MARCHF5: variants seen among roughly 807,000 people sequenced by gnomAD.
MARCHF5 encodes E3 ubiquitin-protein ligase MARCHF5.
In MARCHF5, 5 loss-of-function variants were observed where a neutral mutation model predicts 36.5. The observed-to-expected ratio is 0.14, with a 90% confidence interval of 0.07 to 0.29. MARCHF5 has a LOEUF of 0.29. MARCHF5 is among the 10% of genes least tolerant of loss of function. The probability of loss-of-function intolerance (pLI) is 1.00; values close to 1 mark genes in which losing one functional copy is unlikely to be tolerated. For synonymous variants in MARCHF5, 103 were observed against 109.9 expected (o/e 0.94, Z 0.39); for missense variants, 179 against 336.3 (o/e 0.53, Z 3.66).
chr10:92,331,252 CTCT>C (rs1843432697), intron 2 of MARCHF5, among the ~76,000 whole-genome samples: 1 of 152,024 alleles, frequency 6.6e-6, no homozygotes, highest in Admixed American at 6.6e-5. Flanking sequence ...AGTTAGAAGG[CTCT>C]TCTTAGCATG....
intron 2 of MARCHF5, among the ~76,000 whole-genome samples, chr10:92,318,237 G>A (rs1002357994): frequency 2.0e-5 from 3 of 151,724 alleles, no homozygotes; most frequent in Non-Finnish European, 2.9e-5. Context: ...AACCAGCCTC[G>A]GCAACATAGC....
chr10:92,327,782 G>A (rs1444331368), intron 2 of MARCHF5, among the ~76,000 whole-genome samples: 1 of 151,952 alleles, frequency 6.6e-6, no homozygotes, highest in African/African-American at 2.4e-5. Flanking sequence ...TATTTCATTT[G>A]TGGAAAAGGA....
chr10:92,306,558 A>G (rs1282824364), intron 1 of MARCHF5, among the ~76,000 whole-genome samples: 1 of 152,228 alleles, frequency 6.6e-6, no homozygotes, highest in African/African-American at 2.4e-5. Flanking sequence ...GAAATTATAA[A>G]TGAATCATTT....
At chr10:92,314,121 AG>A (rs1843178824) in intron 2 of MARCHF5, among the ~76,000 whole-genome samples, 1 of 152,150 alleles carries the variant, frequency 6.6e-6, no homozygotes, top group Non-Finnish European at 1.5e-5. Context: ...CTCAGCTGGG[AG>A]GATCACTTGA....
At chr10:92,321,079 G>A (rs991739560) in intron 2 of MARCHF5, among the ~76,000 whole-genome samples, 1 of 152,068 alleles carries the variant, frequency 6.6e-6, no homozygotes, top group Non-Finnish European at 1.5e-5. Context: ...ATGCTGTGCA[G>A]GTTTGTAGGC....
chr10:92,303,597 T>G (rs1843041448), intron 1 of MARCHF5, among the ~76,000 whole-genome samples: 1 of 152,192 alleles, frequency 6.6e-6, no homozygotes, highest in Admixed American at 6.5e-5. Context: ...TAGTTCCTTG[T>G]GGCATCAAAT....
chr10:92,322,732 CT>C lies in MARCHF5; in HGVS notation c.238+11405del, dbSNP rs928366232. Among the ~76,000 whole-genome samples, 77 of 146,078 alleles carry C rather than the reference CT, an allele frequency of 5.3e-4. 1 individual carries two copies. The highest frequency in any genetic ancestry group is 1.8e-3 in the African/African-American group (72 of 39,722). Reference sequence around the variant, plus strand: ...CCAAAGTGCACCATCACATCTAGCCCTTTTTTTTTTCTTTCTTTGTTTTTGA... The same window carrying C: ...CCAAAGTGCACCATCACATCTAGCCCTTTTTTTTTCTTTCTTTGTTTTTGA... On this transcript the variant is annotated intron_variant, in intron 2 of 5. Transcript: ENST00000358935.
At position 92,350,958 on chromosome 10, in the gene MARCHF5, CTG is replaced by C. The variant is rs548921088; in HGVS notation, c.721-131_721-130del. The stretch of plus-strand genomic sequence containing the variant: ...CTCATCTCCTAGTAGAAAAAGAAAA[CTG>C]TTTCATTTGCAGTCATCTGAATTAG... On this transcript the variant is annotated intron_variant, in intron 5 of 5. Coordinates refer to ENST00000358935, the MANE Select transcript of MARCHF5 (RefSeq NM_017824.5). The C allele has an allele frequency of 6.0e-4, 365 of 611,912 alleles. 1 individual carries two copies. The African/African-American group carries it at 6.3e-3, about 11-fold the overall frequency. The allele number at this position is 611,912 out of a possible 1,614,324, so 37.9% of individuals were successfully genotyped here.
intron 2 of MARCHF5, chr10:92,333,480 A>G (rs1843464433): frequency 5.9e-6 from 1 of 170,926 alleles, no homozygotes; most frequent in South Asian, 1.9e-4. Context: ...GCACTGTACA[A>G]AACGAGTTAA....
At chr10:92,293,675 G>C (rs1001634774) in intron 1 of MARCHF5, among the ~76,000 whole-genome samples, 1 of 151,604 alleles carries the variant, frequency 6.6e-6, no homozygotes, top group Non-Finnish European at 1.5e-5. Context: ...TCCAACTCTC[G>C]GGAGGCTGAG....
intron 2 of MARCHF5, among the ~76,000 whole-genome samples, chr10:92,318,187 G>A (rs1198181198): frequency 6.6e-6 from 1 of 152,164 alleles, no homozygotes; most frequent in Non-Finnish European, 1.5e-5. Flanking sequence ...AGCACTTTGG[G>A]AGGCTGAGGC....
intron 5 of MARCHF5, chr10:92,350,187 G>A: frequency 4.6e-6 from 1 of 215,418 alleles, no homozygotes; most frequent in Non-Finnish European, 9.1e-6. Context: ...TCAAATGTCT[G>A]GACTTTTTGT....
intron 2 of MARCHF5, among the ~76,000 whole-genome samples, chr10:92,326,222 C>G (rs1843356010): frequency 6.6e-6 from 1 of 152,084 alleles, no homozygotes; most frequent in Non-Finnish European, 1.5e-5. Flanking sequence ...ATATCAATAG[C>G]TATCATTTGC....
At chr10:92,305,487 C>T (rs533432784) in intron 1 of MARCHF5, among the ~76,000 whole-genome samples, 4 of 152,122 alleles carry the variant, frequency 2.6e-5, no homozygotes, top group East Asian at 1.9e-4. Flanking sequence ...TTCAAACTTT[C>T]GGGATCATGA....
intron 2 of MARCHF5, among the ~76,000 whole-genome samples, chr10:92,312,080 C>T (rs997548518): frequency 1.3e-5 from 2 of 152,028 alleles, no homozygotes; most frequent in Non-Finnish European, 2.9e-5. Flanking sequence ...TAACCCTTGA[C>T]TGTAACCAAG....
In MARCHF5 at chr10:92,351,101, C is replaced by G. The variant is rs562101677; in HGVS notation, c.731C>G (p.Ala244Gly). The change falls in exon 6 of 6, where the codon GCG (alanine) becomes GGG (glycine). Residue 244 changes from alanine to glycine, a missense_variant. Around this residue, in one of 3 missense-constraint regions of MARCHF5, gnomAD observed 95 missense variants for 139.5 expected, o/e 0.68. Coordinates refer to ENST00000358935, the MANE Select transcript of MARCHF5 (RefSeq NM_017824.5). ...NLQRTILGGI[A>G]FVAIKGAFKV... is the part of the protein sequence containing the mutation. The stretch of plus-strand genomic sequence containing the variant: ...TCCTTTTTATTTTAGGGTGGAATTG[C>G]GTTTGTTGCCATAAAAGGAGCATTT... The G allele has an allele frequency of 8.7e-6, 14 of 1,600,066 alleles. No homozygotes were observed. In the African/African-American group the frequency reaches 1.7e-4, roughly 20 times the overall value.
intron 2 of MARCHF5, among the ~76,000 whole-genome samples, chr10:92,330,802 A>G (rs117686242): frequency 1.7e-3 from 254 of 152,340 alleles, no homozygotes; most frequent in Non-Finnish European, 2.9e-3. Context: ...TCTGATATAC[A>G]TAACACCTTC....
chr10:92,350,950 A>G, intron 5 of MARCHF5, 141 bp from the exon 6 acceptor site: 1 of 609,628 alleles, frequency 1.6e-6, no homozygotes, highest in Non-Finnish European at 2.9e-6. Flanking sequence ...CCTAGTAGAA[A>G]AAGAAAACTG....
intron 3 of MARCHF5, among the ~76,000 whole-genome samples, chr10:92,347,437 A>G (rs1036722586): frequency 6.6e-6 from 1 of 151,934 alleles, no homozygotes; most frequent in Non-Finnish European, 1.5e-5. Context: ...GTGAGCCAAG[A>G]TCATGCCAAG....
Sources: gnomAD v4.1 joint callset for allele counts (sites outside exome capture counted in the v4.1 genomes callset) on GRCh38, gnomAD v4.1.1 for gene constraint, gnomAD v4.1.1 regional missense constraint, MANE v1.5 for transcripts, NCBI Gene and HGNC (gene_info 2026-07-23, HGNC 2026-07-21) for gene names.